METTL15: variants seen among roughly 807,000 people sequenced by gnomAD.
The protein encoded by METTL15 is methyltransferase 15, mitochondrial 12S rRNA N4-cytidine.
METTL15 carries 34 observed loss-of-function variants against 38.3 expected under a neutral mutation model. The ratio of observed to expected loss-of-function variants is 0.89; its 90% CI spans 0.68 to 1.18. The LOEUF (loss-of-function observed/expected upper bound fraction) is 1.18, where lower values mean the gene tolerates loss of function less well. Among genes scored for constraint, METTL15 ranks in the 50% most tolerant of loss-of-function variants. METTL15 has a pLI of 0.00. For missense variants in METTL15, 438 were observed against 498.4 expected, an observed-to-expected ratio of 0.88 and a Z score of 1.15; for synonymous variants, 162 against 170.9, an observed-to-expected ratio of 0.95 and a Z score of 0.41.
chr11:28,482,151 G>T (rs1851400587), intron 6 of METTL15, among the ~76,000 whole-genome samples: 1 of 152,128 alleles, frequency 6.6e-6, no homozygotes, highest in African/African-American at 2.4e-5. Flanking sequence ...GAAGGCAAGT[G>T]GGGAAGCTGT....
At chr11:28,278,065 T>C (rs997046820) in intron 4 of METTL15, among the ~76,000 whole-genome samples, 2 of 152,186 alleles carry the variant, frequency 1.3e-5, no homozygotes, top group Non-Finnish European at 2.9e-5. Flanking sequence ...ATGCATTATA[T>C]ACTTGTAACA....
At chr11:28,475,099 C>G (rs575920627) in intron 6 of METTL15, among the ~76,000 whole-genome samples, 4 of 152,110 alleles carry the variant, frequency 2.6e-5, no homozygotes, top group Non-Finnish European at 4.4e-5. Flanking sequence ...GTTGTACTCA[C>G]CTGGGCAAGA....
intron 3 of METTL15, among the ~76,000 whole-genome samples, chr11:28,153,080 G>A (rs1850148410): frequency 6.6e-6 from 1 of 151,914 alleles, no homozygotes; most frequent in African/African-American, 2.4e-5. Flanking sequence ...TCACTTTCAT[G>A]GCCATCTTGG....
At chr11:28,459,359 A>G (rs897592299) in intron 6 of METTL15, among the ~76,000 whole-genome samples, 13 of 152,174 alleles carry the variant, frequency 8.5e-5, no homozygotes, top group African/African-American at 2.9e-4. Context: ...TGCCCAATGG[A>G]TTTAAATATT....
chr11:28,335,431 A>G (rs1353587032), downstream of METTL15, among the ~76,000 whole-genome samples: 1 of 152,194 alleles, frequency 6.6e-6, no homozygotes, highest in Non-Finnish European at 1.5e-5. Flanking sequence ...TATTATTGGT[A>G]CTTTCTCATG....
chr11:28,407,389 G>A (rs1291359262), intron 5 of METTL15, among the ~76,000 whole-genome samples: 4 of 152,118 alleles, frequency 2.6e-5, no homozygotes, highest in Non-Finnish European at 5.9e-5. Context: ...TGTGGAATGG[G>A]AGAAAATTTT....
At chr11:28,235,032 A>T (rs1027614839) in intron 4 of METTL15, among the ~76,000 whole-genome samples, 1 of 152,110 alleles carries the variant, frequency 6.6e-6, no homozygotes, top group East Asian at 1.9e-4. Flanking sequence ...GTGGCTAGCC[A>T]GTTTTCCCAG....
At chr11:28,223,845 A>G (rs910052339) in intron 4 of METTL15, among the ~76,000 whole-genome samples, 7 of 152,086 alleles carry the variant, frequency 4.6e-5, no homozygotes, top group Admixed American at 2.6e-4. Flanking sequence ...ACTTGCAGCA[A>G]TGAGGTGTTG....
chr11:28,211,717 AT>A (rs1208606591), intron 4 of METTL15, among the ~76,000 whole-genome samples: 1 of 152,070 alleles, frequency 6.6e-6, no homozygotes, highest in African/African-American at 2.4e-5. Context: ...AATATAAAAT[AT>A]TATATGAATG....
chr11:28,138,836 A>T (rs1257390926), intron 3 of METTL15, among the ~76,000 whole-genome samples: 1 of 152,172 alleles, frequency 6.6e-6, no homozygotes, highest in Admixed American at 6.5e-5. Context: ...GGTTGGCTTG[A>T]ACAACAGGCT....
intron 6 of METTL15, among the ~76,000 whole-genome samples, chr11:28,445,116 T>G (rs1216374606): frequency 1.3e-5 from 2 of 152,090 alleles, no homozygotes; most frequent in Non-Finnish European, 2.9e-5. Flanking sequence ...CTGGCTAAGA[T>G]GAACACTTTT....
intron 6 of METTL15, among the ~76,000 whole-genome samples, chr11:28,486,893 A>G (rs1326022089): frequency 6.6e-6 from 1 of 152,192 alleles, no homozygotes; most frequent in Non-Finnish European, 1.5e-5. Context: ...AGGTGAGGTC[A>G]GCCATGGCCA....
chr11:28,330,377 T>C lies in METTL15; in HGVS notation c.779-19T>C. 1.3e-6 allele frequency: 2 copies of C among 1,519,202 alleles called. No individual in the cohort carries two copies. Among genetic ancestry groups the C allele is most frequent in the South Asian group, 2.5e-5 (2 of 78,458 alleles). 94.1% of individuals were successfully genotyped at this position (1,519,202 alleles called of 1,614,324 possible). A position where few individuals can be genotyped will look rare whatever the true frequency, so the allele number is the denominator to read the frequency against. On this transcript the variant is annotated intron_variant, in intron 6 of 6. Coordinates refer to ENST00000407364, the MANE Select transcript of METTL15 (RefSeq NM_001113528.2). Reference sequence around the variant, plus strand: ...ATGTTACCGGTCTTCTTTTCCTATCTTTACAACATTTGTTTTAGGAGCATT... The same window carrying C: ...ATGTTACCGGTCTTCTTTTCCTATCCTTACAACATTTGTTTTAGGAGCATT...
At chr11:28,402,098 G>A (rs1418369245) in intron 5 of METTL15, among the ~76,000 whole-genome samples, 1 of 151,916 alleles carries the variant, frequency 6.6e-6, no homozygotes, top group Non-Finnish European at 1.5e-5. Flanking sequence ...CAAAAACGTT[G>A]TGAACAGAGT....
chr11:28,287,998 G>T (rs571412039), intron 4 of METTL15, among the ~76,000 whole-genome samples: 1 of 152,064 alleles, frequency 6.6e-6, no homozygotes, highest in Non-Finnish European at 1.5e-5. Flanking sequence ...GCTGGGAGGG[G>T]AATATATGTG....
chr11:28,298,765 A>C (rs540365686), intron 6 of METTL15, among the ~76,000 whole-genome samples: 336 of 152,256 alleles, frequency 2.2e-3, no homozygotes, highest in Non-Finnish European at 3.5e-3. Flanking sequence ...ATCTGGAATT[A>C]GTCCATTTTT....
chr11:28,253,608 C>T (rs1408137759), intron 4 of METTL15, among the ~76,000 whole-genome samples: 4 of 142,516 alleles, frequency 2.8e-5, no homozygotes, highest in African/African-American at 1.1e-4. Flanking sequence ...CCCCAACCCC[C>T]AGCCCCATCT....
At chr11:28,398,253 A>G (rs1564920134) in intron 5 of METTL15, among the ~76,000 whole-genome samples, 1 of 152,092 alleles carries the variant, frequency 6.6e-6, no homozygotes. Context: ...AGGATAAATG[A>G]AACAAAAATT....
Position 28,369,183 on chromosome 11 carries a change from C to T in METTL15, c.*358+7147C>T, listed in dbSNP as rs142136072. 3.6e-3 allele frequency among the ~76,000 whole-genome samples: 542 copies of T among 150,974 alleles called. 2 individuals are homozygous for T. Among genetic ancestry groups the T allele is most frequent in the African/African-American group, 0.012 (511 of 41,164 alleles). On this transcript the variant is annotated intron_variant and NMD_transcript_variant, in intron 5 of 7. Coordinates refer to the METTL15 transcript ENST00000532947. Reference sequence around the variant, plus strand: ...TAAATAAAAATTTATTAGTGAAGTCCGACAAAAACTTAATCAAGCAGAAGA... The same window carrying T: ...TAAATAAAAATTTATTAGTGAAGTCTGACAAAAACTTAATCAAGCAGAAGA...
Sources: gnomAD v4.1 joint callset for allele counts (sites outside exome capture counted in the v4.1 genomes callset) on GRCh38, gnomAD v4.1.1 for gene constraint, MANE v1.5 for transcripts, NCBI Gene and HGNC (gene_info 2026-07-23, HGNC 2026-07-21) for gene names.